The following IQGAP2 variants were observed in gnomAD, a reference collection of about 807,000 sequenced individuals.
IQGAP2 encodes the protein IQ motif containing GTPase activating protein 2.
Under a neutral mutation model 201.3 loss-of-function variants are expected in IQGAP2, and 173 were observed. The ratio of observed to expected loss-of-function variants is 0.86; its 90% confidence interval spans 0.76 to 0.98. The LOEUF is 0.98. Among genes scored for constraint, IQGAP2 ranks in the 50% least tolerant of loss-of-function variants. The pLI is 0.00. For synonymous variants in IQGAP2, 675 were observed against 673.9 expected (o/e 1.00, Z -0.03); for missense variants, 1,687 against 1,864.8 (o/e 0.90, Z 1.76).
rs187030621 is a variant in IQGAP2, at chr5:76,688,615, G to A, written c.3905+4698G>A. Among the ~76,000 whole-genome samples the A allele has an allele frequency of 7.0e-3, 1,072 of 152,220 alleles. 6 individuals carry two copies. The highest frequency in any genetic ancestry group is 0.011 in the Non-Finnish European group (760 of 68,014). On this transcript the variant is annotated intron_variant, in intron 30 of 35. Transcript: ENST00000274364. ...GCTCTTTGGAGCGTTTTGAATTTTCGGATTTAGGATGCTGAAGCAGTAAGT... is the reference window on the plus strand; with the variant it reads ...GCTCTTTGGAGCGTTTTGAATTTTCAGATTTAGGATGCTGAAGCAGTAAGT...
chr5:76,433,966 A>G (rs557636053), intron 1 of IQGAP2, among the ~76,000 whole-genome samples: 14 of 152,250 alleles, frequency 9.2e-5, no homozygotes, highest in Non-Finnish European at 1.3e-4. Flanking sequence ...AAATATTTCA[A>G]TAAATAACAT....
Position 76,698,058 on chromosome 5 carries a change from T to G in IQGAP2, c.4278T>G (p.Asn1426Lys), listed in dbSNP as rs1561606289. ...TGGCAAAACTTCAGCAGACCCTGAATGCACTTAACAAGAAGGCAGCATTTT... is the reference window on the plus strand; with the variant it reads ...TGGCAAAACTTCAGCAGACCCTGAAGGCACTTAACAAGAAGGCAGCATTTT... ...AELAKLQQTL[N>K]ALNKKAAFYE... The change falls in exon 33 of 36, where the codon AAT becomes AAG. Residue 1426 changes from asparagine (N) to lysine (K), a missense_variant. Asn to Lys is a moderately conservative substitution (Grantham distance 94, BLOSUM62 0). Coordinates refer to ENST00000274364, the MANE Select transcript of IQGAP2 (RefSeq NM_006633.5). 6.2e-7 allele frequency: 1 copy of G among 1,613,222 alleles called. No individual in the cohort carries two copies. Among genetic ancestry groups the G allele is most frequent in the Non-Finnish European group, 8.5e-7 (1 of 1,179,268 alleles).
intron 1 of IQGAP2, among the ~76,000 whole-genome samples, chr5:76,406,859 T>C (rs1157844904): frequency 6.6e-6 from 1 of 152,264 alleles, no homozygotes; most frequent in African/African-American, 2.4e-5. Flanking sequence ...TTTCATGAGA[T>C]ACATTGTACA....
At chr5:76,664,486 C>T (rs1045567266) in intron 21 of IQGAP2, among the ~76,000 whole-genome samples, 2 of 152,158 alleles carry the variant, frequency 1.3e-5, no homozygotes, top group Non-Finnish European at 2.9e-5. Context: ...AGATCGAGAC[C>T]AGCCTGGCCA....
intron 2 of IQGAP2, among the ~76,000 whole-genome samples, chr5:76,543,117 C>T (rs908903170): frequency 2.0e-5 from 3 of 152,088 alleles, no homozygotes; most frequent in South Asian, 4.2e-4. Context: ...GGTGAAGCTG[C>T]GTCACAGCCA....
rs536964711 is a variant in IQGAP2, at chr5:76,660,065, C to A, written c.2529+1398C>A. 2.6e-5 allele frequency: 4 copies of A among 152,000 alleles called. No homozygotes were observed. The East Asian group carries it at 7.7e-4, about 29-fold the overall frequency. 9.4% of individuals were successfully genotyped at this position (152,000 alleles called of 1,614,324 possible). On this transcript the variant is annotated intron_variant, in intron 21 of 35. Transcript: ENST00000274364. ...TGATAGGTCAAAGAGGGAAACTGAT[C>A]TTCTGGAAGCTCTGAGAAGGCTACA...
Position 76,654,946 on chromosome 5 carries a change from G to A in IQGAP2, c.2263G>A (p.Val755Met). 2.5e-6 allele frequency: 4 copies of A among 1,610,994 alleles called. No homozygotes were observed. Among genetic ancestry groups the A allele is most frequent in the Non-Finnish European group, 3.4e-6 (4 of 1,177,288 alleles). The stretch of plus-strand genomic sequence containing the variant: ...TAATCTTTTGCAGAATAATGAAATT[G>A]TGAAAATACAGTCACTGTTGAGAGC... ...QYFRDHNNEI[V>M]KIQSLLRANK... Residue 755 changes from valine (V) to methionine (M), a missense_variant, in exon 20 of 36, where the codon GTG (valine) becomes ATG (methionine). Val to Met is a conservative substitution (Grantham distance 21). Coordinates refer to ENST00000274364, the MANE Select transcript of IQGAP2 (RefSeq NM_006633.5).
chr5:76,518,685 CT>C (rs1337490080), intron 2 of IQGAP2, among the ~76,000 whole-genome samples: 1 of 152,130 alleles, frequency 6.6e-6, no homozygotes, highest in African/African-American at 2.4e-5. Context: ...CCCAAAGTTT[CT>C]TTGAATTTAT....
rs746304867 is a variant in IQGAP2 at position 76,465,999 on chromosome 5, G to C, written c.146+4330G>C. ...ACAGTTTCTAGAAATATTCCCAGCT[G>C]CCTTCTTTTTTTTTAAATGGAGAAA... is the stretch of plus-strand genomic sequence containing the variant. On this transcript the variant is annotated intron_variant, in intron 2 of 35. Transcript: ENST00000274364. 2.9e-4 allele frequency among the ~76,000 whole-genome samples: 44 copies of C among 151,984 alleles called. 1 individual carries two copies. The highest frequency in any genetic ancestry group is 1.2e-3 in the South Asian group (6 of 4,830).
At chr5:76,486,139 A>G (rs893693120) in intron 2 of IQGAP2, among the ~76,000 whole-genome samples, 1 of 152,222 alleles carries the variant, frequency 6.6e-6, no homozygotes, top group Non-Finnish European at 1.5e-5. Context: ...TTTCATTTAA[A>G]ATGTAGAAGA....
intron 13 of IQGAP2, among the ~76,000 whole-genome samples, chr5:76,626,360 C>A (rs1173281554): frequency 4.7e-5 from 7 of 148,052 alleles, no homozygotes; most frequent in African/African-American, 1.8e-4. Context: ...GCAACCTCCA[C>A]CCACCAGGTT....
chr5:76,571,200 A>G (rs1013795253), intron 4 of IQGAP2, among the ~76,000 whole-genome samples: 2 of 152,148 alleles, frequency 1.3e-5, no homozygotes, highest in African/African-American at 2.4e-5. Context: ...TATTATTTCA[A>G]GACAGAGTCT....
intron 2 of IQGAP2, among the ~76,000 whole-genome samples, chr5:76,523,255 A>T (rs544951444): frequency 2.8e-5 from 4 of 142,666 alleles, no homozygotes; most frequent in African/African-American, 8.2e-5. Flanking sequence ...CTGCTAATTT[A>T]AAAAAAAAAA....
rs563467013 is a variant in IQGAP2 at position 76,522,340 on chromosome 5, G to A, written c.147-40056G>A. ...TGGGATTATAGGTGCCTGCCATCAT[G>A]CCCTGCTAATTTTTGTATTTTTAGT... On this transcript the variant is annotated intron_variant, in intron 2 of 35. Coordinates refer to ENST00000274364, the MANE Select transcript of IQGAP2 (RefSeq NM_006633.5). Among the ~76,000 whole-genome samples the A allele has an allele frequency of 3.7e-4, 56 of 152,140 alleles. 2 individuals carry two copies. The East Asian group carries it at 0.011, about 29-fold the overall frequency.
At chr5:76,681,089 CAAAAAAAAAAA>C (rs34896356) in intron 28 of IQGAP2, among the ~76,000 whole-genome samples, 15 of 52,950 alleles carry the variant, frequency 2.8e-4, no homozygotes, top group African/African-American at 1.1e-3. Context: ...GACTTTGTCT[CAAAAAAAAAAA>C]AAAAAAAAAA....
chr5:76,689,475 C>A (rs1302751400), intron 30 of IQGAP2, among the ~76,000 whole-genome samples: 1 of 152,054 alleles, frequency 6.6e-6, no homozygotes, highest in African/African-American at 2.4e-5. Flanking sequence ...CAGTTGTCAA[C>A]CTTTCATTAT....
chr5:76,598,262 C>T (rs1180973825), intron 10 of IQGAP2, among the ~76,000 whole-genome samples: 1 of 152,072 alleles, frequency 6.6e-6, no homozygotes, highest in Non-Finnish European at 1.5e-5. Context: ...AACATTAACT[C>T]ACTACACATA....
chr5:76,600,525 C>G (rs188793313), intron 10 of IQGAP2, among the ~76,000 whole-genome samples: 20 of 152,204 alleles, frequency 1.3e-4, no homozygotes, highest in African/African-American at 4.6e-4. Flanking sequence ...TTTAAGCAAC[C>G]AGTATAGCTA....
At chr5:76,583,048 A>G (rs1405212046) in intron 5 of IQGAP2, among the ~76,000 whole-genome samples, 1 of 152,206 alleles carries the variant, frequency 6.6e-6, no homozygotes, top group Non-Finnish European at 1.5e-5. Flanking sequence ...AGCAAAGGTG[A>G]CATTAATTCC....
Sources: gnomAD v4.1 joint callset for allele counts (sites outside exome capture counted in the v4.1 genomes callset) on GRCh38, gnomAD v4.1.1 for gene constraint, MANE v1.5 for transcripts, NCBI Gene and HGNC (gene_info 2026-07-23, HGNC 2026-07-21) for gene names.